The following CDH18 variants were observed in gnomAD, a reference collection of about 807,000 sequenced individuals.
CDH18 encodes cadherin-18.
In CDH18, 31 loss-of-function variants were observed where a neutral mutation model predicts 67.9. The observed-to-expected ratio is 0.46, with a 90% CI of 0.34 to 0.62. The LOEUF (loss-of-function observed/expected upper bound fraction) is 0.62. CDH18 is among the 20% of genes least tolerant of loss of function. The pLI, the probability that CDH18 is intolerant of heterozygous loss-of-function variation, is 0.01. For missense variants in CDH18, 890 were observed against 975.5 expected, an observed-to-expected ratio of 0.91 and a Z score of 1.17; for synonymous variants, 362 against 347.2, an observed-to-expected ratio of 1.04 and a Z score of -0.48.
intron 1 of CDH18, among the ~76,000 whole-genome samples, chr5:20,419,112 G>A (rs763265829): frequency 6.6e-6 from 1 of 152,014 alleles, no homozygotes; most frequent in Non-Finnish European, 1.5e-5. Context: ...ACTTTCCGGT[G>A]CTATTCTCTT....
chr5:20,135,460 G>A (rs753142228), intron 2 of CDH18, among the ~76,000 whole-genome samples: 16 of 151,784 alleles, frequency 1.1e-4, no homozygotes, highest in Admixed American at 5.3e-4. Flanking sequence ...TTTTTAATGC[G>A]TCTATTTGAT....
chr5:20,332,892 A>C (rs1185009048), intron 1 of CDH18, among the ~76,000 whole-genome samples: 1 of 152,150 alleles, frequency 6.6e-6, no homozygotes, highest in Non-Finnish European at 1.5e-5. Context: ...TCACATACAC[A>C]CCCACACTCA....
chr5:20,021,688 C>G (rs1423398618), intron 2 of CDH18, among the ~76,000 whole-genome samples: 1 of 152,172 alleles, frequency 6.6e-6, no homozygotes, highest in Admixed American at 6.5e-5. Flanking sequence ...TTGTAAGTTT[C>G]CTGAGGCCTC....
chr5:19,932,957 G>A (rs532615886), intron 2 of CDH18, among the ~76,000 whole-genome samples: 1 of 151,464 alleles, frequency 6.6e-6, no homozygotes, highest in East Asian at 1.9e-4. Context: ...TTAAATATAT[G>A]GCCCTTAACA....
At chr5:19,664,483 AAAAC>A (rs776390933) in intron 5 of CDH18, among the ~76,000 whole-genome samples, 5 of 152,018 alleles carry the variant, frequency 3.3e-5, no homozygotes, top group Non-Finnish European at 5.9e-5. Context: ...ATCTCAGTAA[AAAAC>A]AAACAAACAA....
At chr5:19,901,445 A>T (rs1789931883) in intron 2 of CDH18, among the ~76,000 whole-genome samples, 1 of 152,104 alleles carries the variant, frequency 6.6e-6, no homozygotes, top group African/African-American at 2.4e-5. Context: ...TTACATTTGA[A>T]TTCCTTACAT....
chr5:19,968,867 T>C (rs1298300850), intron 2 of CDH18, among the ~76,000 whole-genome samples: 1 of 143,894 alleles, frequency 6.9e-6, no homozygotes, highest in Admixed American at 6.7e-5. Flanking sequence ...CTAAAGAGCT[T>C]CTGCACAGCA....
chr5:19,868,590 T>C (rs4431345), intron 2 of CDH18, among the ~76,000 whole-genome samples: 125,993 of 152,200 alleles, frequency 0.83, 53,197 homozygotes, highest in Non-Finnish European at 0.91. Context: ...GTGGAAAATA[T>C]GTATATCAAA....
At chr5:20,493,801 T>C (rs1753735283) in intron 1 of CDH18, among the ~76,000 whole-genome samples, 1 of 152,048 alleles carries the variant, frequency 6.6e-6, no homozygotes, top group African/African-American at 2.4e-5. Flanking sequence ...CCAGGATGGG[T>C]GGATGCAAAG....
intron 1 of CDH18, among the ~76,000 whole-genome samples, chr5:20,448,377 T>G (rs1750175577): frequency 6.6e-6 from 1 of 152,162 alleles, no homozygotes; most frequent in African/African-American, 2.4e-5. Flanking sequence ...GATCATGGCA[T>G]GATCTCTTTC....
At chr5:19,843,432 T>C (rs949904184) in intron 2 of CDH18, among the ~76,000 whole-genome samples, 16 of 152,188 alleles carry the variant, frequency 1.1e-4, no homozygotes, top group Non-Finnish European at 2.2e-4. Context: ...AAGTGAAGAA[T>C]TGAGGTTTGG....
intron 2 of CDH18, among the ~76,000 whole-genome samples, chr5:19,859,807 C>A (rs1784684062): frequency 6.6e-6 from 1 of 152,106 alleles, no homozygotes; most frequent in Admixed American, 6.6e-5. Context: ...TGTAGCCCAA[C>A]CACCTTGGGC....
At chr5:20,059,563 C>T (rs1225168703) in intron 2 of CDH18, among the ~76,000 whole-genome samples, 1 of 152,140 alleles carries the variant, frequency 6.6e-6, no homozygotes, top group Non-Finnish European at 1.5e-5. Context: ...GGCAATTCCT[C>T]AAGGATCTAG....
At chr5:20,260,037 A>C (rs562512861) in intron 1 of CDH18, among the ~76,000 whole-genome samples, 1 of 152,112 alleles carries the variant, frequency 6.6e-6, no homozygotes, top group East Asian at 2.0e-4. Context: ...TCAAAACGTC[A>C]AGAAGACTTA....
intron 3 of CDH18, among the ~76,000 whole-genome samples, chr5:19,827,773 C>T (rs1780557218): frequency 6.6e-6 from 1 of 151,954 alleles, no homozygotes; most frequent in African/African-American, 2.4e-5. Context: ...ACTAAGTGCC[C>T]ACTTCAAAAC....
At chr5:19,838,731 A>G in intron 3 of CDH18, 28 bp downstream of exon 3, 1 of 1,528,218 alleles carries the variant, frequency 6.5e-7, no homozygotes, top group South Asian at 1.1e-5. Context: ...TCAGGATAGA[A>G]AAAACAGCAA....
intron 5 of CDH18, among the ~76,000 whole-genome samples, chr5:19,632,717 T>C (rs1247649285): frequency 6.6e-6 from 1 of 152,242 alleles, no homozygotes; most frequent in East Asian, 1.9e-4. Flanking sequence ...TTAATTATCC[T>C]GTGATCCATA....
At chr5:20,166,670 C>T (rs1363607395) in intron 2 of CDH18, among the ~76,000 whole-genome samples, 1 of 152,024 alleles carries the variant, frequency 6.6e-6, no homozygotes, top group Non-Finnish European at 1.5e-5. Flanking sequence ...TTTTAAAAAG[C>T]TTCTTAGTAG....
chr5:20,122,969 G>A (rs980538437), intron 2 of CDH18, among the ~76,000 whole-genome samples: 5 of 147,482 alleles, frequency 3.4e-5, no homozygotes, highest in African/African-American at 4.9e-5. Context: ...TTAACATTAT[G>A]AGCTATTGAG....
Sources: allele counts gnomAD v4.1 joint callset (sites outside exome capture counted in the v4.1 genomes callset), GRCh38; gene constraint gnomAD v4.1.1; transcripts MANE v1.5; gene names NCBI Gene and HGNC (gene_info 2026-07-23, HGNC 2026-07-21).